LRBA: variants seen among roughly 807,000 people sequenced by gnomAD.
LRBA encodes the protein lipopolysaccharide-responsive and beige-like anchor protein.
A neutral mutation model predicts 330.0 loss-of-function variants in LRBA; 176 were observed. The ratio of observed to expected loss-of-function variants is 0.53; its 90% confidence interval spans 0.47 to 0.60. The LOEUF (loss-of-function observed/expected upper bound fraction) is 0.60. LRBA is among the 20% of genes least tolerant of loss of function. LRBA has a pLI of 0.00. For synonymous variants in LRBA, 1,230 were observed against 1,193.0 expected (o/e 1.03, Z -0.64); for missense variants, 3,259 against 3,444.8 (o/e 0.95, Z 1.35).
chr4:150,813,538 C>G (rs1744103375), intron 31 of LRBA, among the ~76,000 whole-genome samples: 1 of 152,020 alleles, frequency 6.6e-6, no homozygotes, highest in African/African-American at 2.4e-5. Flanking sequence ...AACAAATTCT[C>G]AATTTTTATG....
At chr4:150,795,819 C>T (rs944460947) in intron 34 of LRBA, among the ~76,000 whole-genome samples, 8 of 151,786 alleles carry the variant, frequency 5.3e-5, no homozygotes, top group African/African-American at 1.7e-4. Context: ...TAAATTTAGG[C>T]TCTAAATTCT....
intron 2 of LRBA, among the ~76,000 whole-genome samples, chr4:150,995,130 G>A (rs567624780): frequency 3.7e-4 from 57 of 152,066 alleles, no homozygotes; most frequent in African/African-American, 1.4e-3. Context: ...GTCACCCTTC[G>A]CTCACTCCAG....
chr4:150,863,701 C>T (rs1421618780), intron 22 of LRBA, among the ~76,000 whole-genome samples: 2 of 152,160 alleles, frequency 1.3e-5, no homozygotes, highest in African/African-American at 4.8e-5. Context: ...TCAGGATTCA[C>T]ACCCTGTCTC....
chr4:150,803,756 T>C (rs1307291858), intron 33 of LRBA, among the ~76,000 whole-genome samples: 1 of 152,206 alleles, frequency 6.6e-6, no homozygotes, highest in Non-Finnish European at 1.5e-5. Flanking sequence ...GCTATTTTTA[T>C]GAACATCATC....
intron 28 of LRBA, among the ~76,000 whole-genome samples, chr4:150,842,080 C>T (rs1191738339): frequency 6.6e-6 from 1 of 152,006 alleles, no homozygotes; most frequent in Admixed American, 6.6e-5. Context: ...TTTATAATTA[C>T]AAAACACTTA....
chr4:150,484,381 T>C (rs1188487947), intron 42 of LRBA, among the ~76,000 whole-genome samples: 1 of 151,996 alleles, frequency 6.6e-6, no homozygotes, highest in African/African-American at 2.4e-5. Context: ...ATTAGTGATA[T>C]TTGATAGCTT....
chr4:150,376,245 CT>C (rs938500118), intron 47 of LRBA, among the ~76,000 whole-genome samples: 15 of 151,192 alleles, frequency 9.9e-5, no homozygotes, highest in East Asian at 3.9e-4. Context: ...CCTTATTTTA[CT>C]TTTTTTTTAT....
chr4:150,808,089 G>A (rs1482157064), intron 32 of LRBA, among the ~76,000 whole-genome samples: 4 of 152,106 alleles, frequency 2.6e-5, no homozygotes, highest in African/African-American at 9.7e-5. Context: ...CACTTCTCAT[G>A]AAGTGACTTG....
chr4:150,897,793 T>C lies in LRBA; in HGVS notation c.1950A>G (p.Glu650=). ...ACAAGAATGCTCGTAGAGAAAGCAT[T>C]TCTTTTTGATTAGGTCGCGGTCCAT... ...GLDGPRPNQK[E]MLSLRAFLLM... is the part of the protein sequence containing the mutation. Residue 650 remains glutamate (E), a synonymous_variant, in exon 15 of 57, where the codon GAA becomes GAG. Transcript: ENST00000651943. 1 of 1,612,090 alleles carries C rather than the reference T, an allele frequency of 6.2e-7. No homozygotes were observed. Among genetic ancestry groups the C allele is most frequent in the Non-Finnish European group, 8.5e-7 (1 of 1,178,626 alleles).
chr4:150,949,199 C>T (rs1736551953), intron 2 of LRBA, among the ~76,000 whole-genome samples: 1 of 152,044 alleles, frequency 6.6e-6, no homozygotes, highest in Admixed American at 6.6e-5. Flanking sequence ...CTCGGATGTC[C>T]TTCAACAGCT....
At chr4:150,300,932 A>C (rs1411631028) in intron 53 of LRBA, among the ~76,000 whole-genome samples, 1 of 152,100 alleles carries the variant, frequency 6.6e-6, no homozygotes, top group Non-Finnish European at 1.5e-5. Context: ...TAAGTAAAAT[A>C]AAACAAGAAA....
In LRBA at chr4:150,765,085, T is replaced by TAA. The variant is rs75575371; in HGVS notation, c.5581-3240_5581-3239dup. On this transcript the variant is annotated intron_variant, in intron 34 of 56. Transcript: ENST00000651943. The stretch of plus-strand genomic sequence containing the variant: ...CAGACAATGGAATATTATTCAGCGC[T>TAA]AAAAAAAAAAAAGAGCTATCAAGCC... 5.0e-3 allele frequency among the ~76,000 whole-genome samples: 667 copies of TAA among 134,686 alleles called. 6 individuals are homozygous for TAA. The highest frequency in any genetic ancestry group is 0.017 in the African/African-American group (635 of 36,856). 88.4% of individuals were successfully genotyped at this position (134,686 alleles called of 152,430 possible). A position where few individuals can be genotyped will look rare whatever the true frequency, so the allele number is the denominator to read the frequency against.
At chr4:150,369,135 AAAGT>A (rs1739898809) in intron 47 of LRBA, among the ~76,000 whole-genome samples, 2 of 152,200 alleles carry the variant, frequency 1.3e-5, no homozygotes, top group African/African-American at 4.8e-5. Flanking sequence ...TTCAGGCCCA[AAAGT>A]AAGTATTACT....
chr4:150,592,244 C>T (rs191744915), intron 38 of LRBA, among the ~76,000 whole-genome samples: 7 of 136,800 alleles, frequency 5.1e-5, no homozygotes, highest in Admixed American at 4.1e-4. Context: ...TGCAGTAACA[C>T]GACTAATATA....
rs1463852796 is a variant in LRBA at position 150,733,571 on chromosome 4, C to CTG, written c.5754+1686_5754+1687insCA. On this transcript the variant is annotated intron_variant, in intron 36 of 56. Transcript: ENST00000651943. ...ACTGATTCTGTCTCTCTCTCTCTCT[C>CTG]TCTCTCACACACACACACACACACA... Among the ~76,000 whole-genome samples the CTG allele has an allele frequency of 1.9e-4, 10 of 53,314 alleles. No homozygotes were observed. In the South Asian group the frequency reaches 4.4e-3, roughly 24 times the overall value. The allele number at this position is 53,314 out of a possible 152,430, so 35.0% of individuals were successfully genotyped here.
chr4:150,963,389 G>T (rs1211160356), intron 2 of LRBA, among the ~76,000 whole-genome samples: 3 of 149,604 alleles, frequency 2.0e-5, no homozygotes, highest in Non-Finnish European at 4.4e-5. Flanking sequence ...GTTTCGCCCT[G>T]TTGGCCGGGC....
chr4:150,358,612 G>A (rs1418578397), intron 47 of LRBA, among the ~76,000 whole-genome samples: 1 of 151,906 alleles, frequency 6.6e-6, no homozygotes, highest in Non-Finnish European at 1.5e-5. Context: ...AGATAAACTA[G>A]TTATAAACAT....
intron 47 of LRBA, among the ~76,000 whole-genome samples, chr4:150,364,839 T>A (rs972752367): frequency 3.9e-5 from 6 of 152,140 alleles, no homozygotes; most frequent in Non-Finnish European, 7.4e-5. Context: ...AGATGCCCAA[T>A]AAATATTTAT....
At chr4:150,369,461 T>C (rs1388060038) in intron 47 of LRBA, among the ~76,000 whole-genome samples, 1 of 152,096 alleles carries the variant, frequency 6.6e-6, no homozygotes, top group Non-Finnish European at 1.5e-5. Flanking sequence ...TGCTTAGAAA[T>C]TGCTGTGGTG....
Sources: allele counts gnomAD v4.1 joint callset (sites outside exome capture counted in the v4.1 genomes callset), GRCh38; gene constraint gnomAD v4.1.1; transcripts MANE v1.5; gene names NCBI Gene and HGNC (gene_info 2026-07-23, HGNC 2026-07-21).